INPP4B: variants seen among roughly 807,000 people sequenced by gnomAD.
The protein encoded by INPP4B is inositol polyphosphate 4-phosphatase type II.
In INPP4B, 55 loss-of-function variants were observed where a neutral mutation model predicts 122.5. The observed-to-expected ratio is 0.45, with a 90% CI of 0.36 to 0.56. The LOEUF (loss-of-function observed/expected upper bound fraction) is 0.56. Among genes scored for constraint, INPP4B ranks in the 20% least tolerant of loss-of-function variants. The pLI, the probability that INPP4B is intolerant of heterozygous loss-of-function variation, is 0.00. For missense variants in INPP4B, 1,000 were observed against 1,097.7 expected (o/e 0.91, Z 1.26); for synonymous variants, 403 against 388.7 (o/e 1.04, Z -0.43).
intron 25 of INPP4B, among the ~76,000 whole-genome samples, chr4:142,072,248 A>G (rs1377539787): frequency 6.6e-6 from 1 of 152,038 alleles, no homozygotes; most frequent in Non-Finnish European, 1.5e-5. Context: ...AGAAAGCCAA[A>G]CACCACATGT....
At chr4:142,475,199 G>A (rs1426168474) in intron 2 of INPP4B, among the ~76,000 whole-genome samples, 1 of 152,032 alleles carries the variant, frequency 6.6e-6, no homozygotes, top group African/African-American at 2.4e-5. Context: ...CAAGACCCAG[G>A]AGTAGAATAG....
intron 1 of INPP4B, among the ~76,000 whole-genome samples, chr4:142,747,572 G>A (rs191543996): frequency 3.9e-5 from 6 of 152,044 alleles, no homozygotes; most frequent in African/African-American, 1.2e-4. Flanking sequence ...ACATGCACAT[G>A]TATGTTTACT....
At chr4:142,161,677 C>T (rs1277042891) in intron 16 of INPP4B, among the ~76,000 whole-genome samples, 1 of 151,830 alleles carries the variant, frequency 6.6e-6, no homozygotes, top group Non-Finnish European at 1.5e-5. Context: ...TAAATCTTCT[C>T]GTTGACAGCA....
chr4:142,540,362 C>G (rs1185319220), intron 2 of INPP4B, among the ~76,000 whole-genome samples: 1 of 151,328 alleles, frequency 6.6e-6, no homozygotes, highest in Non-Finnish European at 1.5e-5. Context: ...CTCAATGAAA[C>G]CTTCCTGTGG....
intron 21 of INPP4B, among the ~76,000 whole-genome samples, chr4:142,113,591 G>A (rs111378680): frequency 6.6e-6 from 1 of 151,960 alleles, no homozygotes; most frequent in African/African-American, 2.4e-5. Context: ...CTATGAAATA[G>A]AGACCTGGTA....
intron 1 of INPP4B, among the ~76,000 whole-genome samples, chr4:142,757,032 T>C (rs376219413): frequency 6.6e-6 from 1 of 152,196 alleles, no homozygotes; most frequent in Non-Finnish European, 1.5e-5. Flanking sequence ...CCTTCATTAA[T>C]TGAGTATAGT....
At chr4:142,813,491 T>C (rs1410860231) in intron 1 of INPP4B, among the ~76,000 whole-genome samples, 2 of 152,190 alleles carry the variant, frequency 1.3e-5, no homozygotes, top group Non-Finnish European at 2.9e-5. Flanking sequence ...ATCAATTTTT[T>C]CTTGTCTTTC....
intron 17 of INPP4B, among the ~76,000 whole-genome samples, chr4:142,159,510 T>G (rs1818972490): frequency 6.6e-6 from 1 of 151,798 alleles, no homozygotes; most frequent in Non-Finnish European, 1.5e-5. Flanking sequence ...AGTAATTTAC[T>G]CCCCATTCTT....
At chr4:142,059,845 T>C (rs79081130) in intron 25 of INPP4B, among the ~76,000 whole-genome samples, 2,388 of 152,262 alleles carry the variant, frequency 0.016, 80 homozygotes, top group African/African-American at 0.055. Flanking sequence ...TTCTGTACTC[T>C]GGGTGGATCT....
intron 9 of INPP4B, among the ~76,000 whole-genome samples, chr4:142,295,374 A>G (rs984748734): frequency 3.9e-5 from 6 of 152,170 alleles, no homozygotes; most frequent in Non-Finnish European, 1.5e-5. Flanking sequence ...GGATGGAGGC[A>G]TGATGTGTGG....
chr4:142,745,164 A>G (rs970031498), intron 1 of INPP4B, among the ~76,000 whole-genome samples: 1 of 151,844 alleles, frequency 6.6e-6, no homozygotes, highest in Non-Finnish European at 1.5e-5. Flanking sequence ...AACACTATAG[A>G]ATTTTTTAAA....
At chr4:142,233,758 A>G (rs2149891639) in intron 12 of INPP4B, among the ~76,000 whole-genome samples, 1 of 152,234 alleles carries the variant, frequency 6.6e-6, no homozygotes, top group African/African-American at 2.4e-5. Flanking sequence ...CATTCTTAAC[A>G]TGCCTAATTT....
chr4:142,786,807 A>G (rs1775826019), intron 1 of INPP4B, among the ~76,000 whole-genome samples: 1 of 152,150 alleles, frequency 6.6e-6, no homozygotes, highest in Non-Finnish European at 1.5e-5. Flanking sequence ...ATTGAGAGAC[A>G]TACTATAAAA....
intron 21 of INPP4B, among the ~76,000 whole-genome samples, chr4:142,117,430 C>T (rs900803946): frequency 5.3e-5 from 8 of 152,020 alleles, no homozygotes; most frequent in African/African-American, 9.7e-5. Flanking sequence ...ACTGGCAAAC[C>T]GAATCCAGCA....
chr4:142,675,627 C>T (rs1437562693), intron 2 of INPP4B, among the ~76,000 whole-genome samples: 1 of 152,160 alleles, frequency 6.6e-6, no homozygotes, highest in African/African-American at 2.4e-5. Flanking sequence ...AATCCAGCAG[C>T]ACATCAAAAA....
intron 25 of INPP4B, among the ~76,000 whole-genome samples, chr4:142,063,466 T>G (rs190658742): frequency 1.4e-4 from 22 of 152,310 alleles, no homozygotes; most frequent in African/African-American, 4.1e-4. Context: ...AGTTTGTTTT[T>G]TCCTTGACTG....
At chr4:142,467,276 G>A (rs533825032) in intron 2 of INPP4B, among the ~76,000 whole-genome samples, 4 of 152,330 alleles carry the variant, frequency 2.6e-5, no homozygotes, top group South Asian at 2.1e-4. Flanking sequence ...GAGAGCAGCC[G>A]TGTGGACTGC....
Position 142,079,266 on chromosome 4 carries a change from A to G in INPP4B, c.2642+2765T>C, listed in dbSNP as rs569873094. On this transcript the variant is annotated intron_variant, in intron 25 of 25. Transcript: ENST00000262992. The stretch of plus-strand genomic sequence containing the variant: ...ACCTGAATAGTGTACATTATACCCA[A>G]CAGGTAGTTTCTCATCCCTCCCTCC... Among the ~76,000 whole-genome samples, 4 of 152,078 alleles carry G rather than the reference A, an allele frequency of 2.6e-5. No homozygotes were observed. The South Asian group carries it at 8.3e-4, about 32-fold the overall frequency.
At chr4:142,498,111 A>G (rs200770348) in intron 2 of INPP4B, among the ~76,000 whole-genome samples, 17 of 116,762 alleles carry the variant, frequency 1.5e-4, no homozygotes, top group East Asian at 9.8e-4. Flanking sequence ...GTGTGTGTGT[A>G]TATATATATA....
Sources: gnomAD v4.1 joint callset for allele counts (sites outside exome capture counted in the v4.1 genomes callset) on GRCh38, gnomAD v4.1.1 for gene constraint, MANE v1.5 for transcripts, NCBI Gene and HGNC (gene_info 2026-07-23, HGNC 2026-07-21) for gene names.